DERA: variants seen among roughly 807,000 people sequenced by gnomAD.
DERA encodes the protein 2-deoxy-D-ribose 5-phosphate aldolase.
Under a neutral mutation model 41.1 loss-of-function variants are expected in DERA, and 15 were observed. That is an observed-to-expected ratio of 0.37 (90% CI 0.24 to 0.56). The LOEUF is 0.56. DERA is among the 20% of genes least tolerant of loss of function. The pLI, the probability that DERA is intolerant of heterozygous loss-of-function variation, is 0.81. For synonymous variants in DERA, 139 were observed against 137.4 expected (o/e 1.01, Z -0.08); for missense variants, 396 against 403.4 (o/e 0.98, Z 0.16).
Position 15,936,282 on chromosome 12 carries a change from G to T in DERA, c.32-20654G>T, listed in dbSNP as rs990145571. Among the ~76,000 whole-genome samples the T allele has an allele frequency of 6.6e-6, 1 of 152,114 alleles. No individual in the cohort carries two copies. The highest frequency in any genetic ancestry group is 1.5e-5 in the Non-Finnish European group (1 of 68,006). On this transcript the variant is annotated intron_variant, in intron 1 of 8. Transcript: ENST00000428559. The surrounding 1 kb of genome is among the most constrained non-coding windows in gnomAD (Gnocchi z 4.6). Reference sequence around the variant, plus strand: ...ATGTTAATTATTTTAACTTGCTTTTGTATTAGTTTCTTCCTATGGCTAAAG... The same window carrying T: ...ATGTTAATTATTTTAACTTGCTTTTTTATTAGTTTCTTCCTATGGCTAAAG...
chr12:16,014,331 G>A lies in DERA; in HGVS notation c.638-18211G>A, dbSNP rs1948966365. ...GGCCAGAGGTCTAGAAGGAAAACAT[G>A]GTTTTGTGGGCCAGGCCTAGGGCCT... On this transcript the variant is annotated intron_variant, in intron 6 of 8. Coordinates refer to ENST00000428559, the MANE Select transcript of DERA (RefSeq NM_015954.4). This position sits in a 1 kb window ranked among gnomAD's most constrained non-coding sequence, Gnocchi z 5.4. 6.6e-6 allele frequency among the ~76,000 whole-genome samples: 1 copy of A among 152,190 alleles called. No individual in the cohort carries two copies. The highest frequency in any genetic ancestry group is 1.5e-5 in the Non-Finnish European group (1 of 68,048).
Position 15,992,619 on chromosome 12 carries a change from A to C in DERA, c.637+10183A>C, listed in dbSNP as rs1032444191. 6.6e-6 allele frequency among the ~76,000 whole-genome samples: 1 copy of C among 152,164 alleles called. No individual in the cohort carries two copies. Among genetic ancestry groups the C allele is most frequent in the African/African-American group, 2.4e-5 (1 of 41,442 alleles). On this transcript the variant is annotated intron_variant, in intron 6 of 8. Transcript: ENST00000428559. The surrounding 1 kb of genome is among the most constrained non-coding windows in gnomAD (Gnocchi z 4.3). ...GAAGGGAGTATAATCAGAGAAGAAA[A>C]AAGAGAGCTATACTTTTTTCCTTGA...
Position 16,015,594 on chromosome 12 carries a change from G to C in DERA, c.638-16948G>C, listed in dbSNP as rs1206541183. On this transcript the variant is annotated intron_variant, in intron 6 of 8. Transcript: ENST00000428559. Reference sequence around the variant, plus strand: ...ACCCAGTCTTGGGCAGTTCTTTATAGAGGTATGAAAACGGACTAATACAAT... The same window carrying C: ...ACCCAGTCTTGGGCAGTTCTTTATACAGGTATGAAAACGGACTAATACAAT... Among the ~76,000 whole-genome samples, 5 of 152,292 alleles carry C rather than the reference G, an allele frequency of 3.3e-5. No homozygotes were observed. The South Asian group carries it at 8.3e-4, about 25-fold the overall frequency.
chr12:16,023,653 A>G (rs1411527977), intron 6 of DERA, among the ~76,000 whole-genome samples: 1 of 151,024 alleles, frequency 6.6e-6, no homozygotes, highest in Non-Finnish European at 1.5e-5. Context: ...AATTTTTTGT[A>G]TTTTTAGTAG....
At chr12:15,962,138 A>C (rs913246669) in intron 4 of DERA, among the ~76,000 whole-genome samples, 2 of 152,164 alleles carry the variant, frequency 1.3e-5, no homozygotes, top group Non-Finnish European at 2.9e-5. Context: ...ACTATTTTTC[A>C]AGAGTGTAGT....
rs539364152 is a variant in DERA at position 15,999,681 on chromosome 12, T to G, written c.637+17245T>G. Among the ~76,000 whole-genome samples, 1 of 152,164 alleles carries G rather than the reference T, an allele frequency of 6.6e-6. No individual in the cohort carries two copies. The highest frequency in any genetic ancestry group is 1.5e-5 in the Non-Finnish European group (1 of 68,022). Reference sequence around the variant, plus strand: ...TGAAGCTAGTAAATAGCTTGGAGTTTAAGGCCATGCTAAGGAATTGAAGTT... The same window carrying G: ...TGAAGCTAGTAAATAGCTTGGAGTTGAAGGCCATGCTAAGGAATTGAAGTT... On this transcript the variant is annotated intron_variant, in intron 6 of 8. Transcript: ENST00000428559. This position sits in a 1 kb window ranked among gnomAD's most constrained non-coding sequence, Gnocchi z 5.3.
Position 15,976,568 on chromosome 12 carries a change from T to G in DERA, c.509-5740T>G, listed in dbSNP as rs1004472685. On this transcript the variant is annotated intron_variant, in intron 5 of 8. Coordinates refer to ENST00000428559, the MANE Select transcript of DERA (RefSeq NM_015954.4). This position sits in a 1 kb window ranked among gnomAD's most constrained non-coding sequence, Gnocchi z 4.1. Reference sequence around the variant, plus strand: ...GTCTGTGGTTGAGAGCTCCCAAAGATAGAGTTCAGAATCATCTTTCTAAAT... The same window carrying G: ...GTCTGTGGTTGAGAGCTCCCAAAGAGAGAGTTCAGAATCATCTTTCTAAAT... Among the ~76,000 whole-genome samples, 1 of 152,162 alleles carries G rather than the reference T, an allele frequency of 6.6e-6. No homozygotes were observed. The highest frequency in any genetic ancestry group is 1.5e-5 in the Non-Finnish European group (1 of 68,040).
At chr12:16,030,813 C>A (rs1017767678) in intron 6 of DERA, among the ~76,000 whole-genome samples, 4 of 152,154 alleles carry the variant, frequency 2.6e-5, no homozygotes, top group African/African-American at 9.7e-5. Flanking sequence ...TTCCCAGCAG[C>A]TTTAGAGCAG....
rs547849442 is a variant in DERA, at chr12:15,936,937, T to C, written c.32-19999T>C. Among the ~76,000 whole-genome samples, 20,168 of 129,470 alleles carry C rather than the reference T, an allele frequency of 0.16. 1,965 individuals are homozygous for C. The highest frequency in any genetic ancestry group is 0.27 in the Admixed American group (3,712 of 13,638). 84.9% of individuals were successfully genotyped at this position (129,470 alleles called of 152,430 possible). ...TGTCCTGTCCTGTCCTGTCCTGTCT[T>C]GTCCTGTCCCGTCCTGTCCTGCCCT... On this transcript the variant is annotated intron_variant, in intron 1 of 8. Coordinates refer to ENST00000428559, the MANE Select transcript of DERA (RefSeq NM_015954.4). The surrounding 1 kb of genome is among the most constrained non-coding windows in gnomAD (Gnocchi z 4.6).
Position 15,936,886 on chromosome 12 carries a change from T to TTGTCTTGTCTTGTCTTGTCTTGTCC in DERA, c.32-20046_32-20045insTTGTCTTGTCTTGTCTTGTCCTGTC, listed in dbSNP as rs1351383547. Among the ~76,000 whole-genome samples, 2 of 136,874 alleles carry TTGTCTTGTCTTGTCTTGTCTTGTCC rather than the reference T, an allele frequency of 1.5e-5. No individual in the cohort carries two copies. The highest frequency in any genetic ancestry group is 6.4e-5 in the African/African-American group (2 of 31,206). The allele number at this position is 136,874 out of a possible 152,430, so 89.8% of individuals were successfully genotyped here. ...TTGTCTTGTCTTGTCTTGTCTTGTCTTGTCCTGTCCTGTCCTGTCCTGTCC... is the reference window on the plus strand; with the variant it reads ...TTGTCTTGTCTTGTCTTGTCTTGTCTTGTCTTGTCTTGTCTTGTCTTGTCCTGTCCTGTCCTGTCCTGTCCTGTCC... On this transcript the variant is annotated intron_variant, in intron 1 of 8. Transcript: ENST00000428559. The surrounding 1 kb of genome is among the most constrained non-coding windows in gnomAD (Gnocchi z 4.6).
In DERA at chr12:15,994,844, GAATGAATA is replaced by G. The variant is rs1343852853; in HGVS notation, c.637+12415_637+12422del. On this transcript the variant is annotated intron_variant, in intron 6 of 8. Coordinates refer to ENST00000428559, the MANE Select transcript of DERA (RefSeq NM_015954.4). This position sits in a 1 kb window ranked among gnomAD's most constrained non-coding sequence, Gnocchi z 4.8. ...AGATGCTTGATTATGCATATTTATT[GAATGAATA>G]AATGAAAAAAGAGTAATAAATCATG... 2.4e-4 allele frequency among the ~76,000 whole-genome samples: 37 copies of G among 152,200 alleles called. No homozygotes were observed. Among genetic ancestry groups the G allele is most frequent in the Non-Finnish European group, 4.0e-4 (27 of 68,038 alleles).
Position 15,966,512 on chromosome 12 carries a change from T to C in DERA, c.508+3565T>C, listed in dbSNP as rs1413117656. 6.6e-6 allele frequency among the ~76,000 whole-genome samples: 1 copy of C among 152,146 alleles called. No individual in the cohort carries two copies. The highest frequency in any genetic ancestry group is 1.5e-5 in the Non-Finnish European group (1 of 68,016). On this transcript the variant is annotated intron_variant, in intron 5 of 8. Transcript: ENST00000428559. The surrounding 1 kb of genome is among the most constrained non-coding windows in gnomAD (Gnocchi z 5.1). ...AAAGAGTTATATTTATTTGTTTGTC[T>C]TGAGAAGTTCAAACTAATATACTAA... is the stretch of plus-strand genomic sequence containing the variant.
At position 15,982,242 on chromosome 12, in the gene DERA, A is replaced by C. The variant is rs1360979892; in HGVS notation, c.509-66A>C. The C allele has an allele frequency of 1.4e-5, 22 of 1,531,334 alleles. No homozygotes were observed. Among genetic ancestry groups the C allele is most frequent in the Non-Finnish European group, 1.9e-5 (21 of 1,133,676 alleles). The allele number at this position is 1,531,334 out of a possible 1,614,324, so 94.9% of individuals were successfully genotyped here. On this transcript the variant is annotated intron_variant, in intron 5 of 8. Coordinates refer to ENST00000428559, the MANE Select transcript of DERA (RefSeq NM_015954.4). This position sits in a 1 kb window ranked among gnomAD's most constrained non-coding sequence, Gnocchi z 4.0. The stretch of plus-strand genomic sequence containing the variant: ...ATGTGAAATGGGTTCCACCAGCTCT[A>C]AACGGCTGCCAAGTTATGTTATCAC...
At chr12:15,971,475 C>CATCACT (rs1948659043) in intron 5 of DERA, among the ~76,000 whole-genome samples, 2 of 145,016 alleles carry the variant, frequency 1.4e-5, no homozygotes, top group South Asian at 4.5e-4. Context: ...GGGAGTTTTT[C>CATCACT]GTCACTGAAG....
rs576608614 is a variant in DERA, at chr12:16,035,127, C to T, written c.751-1105C>T. 1.3e-5 allele frequency among the ~76,000 whole-genome samples: 2 copies of T among 152,222 alleles called. No homozygotes were observed. The highest frequency in any genetic ancestry group is 4.8e-5 in the African/African-American group (2 of 41,534). On this transcript the variant is annotated intron_variant, in intron 7 of 8. Transcript: ENST00000428559. This position sits in a 1 kb window ranked among gnomAD's most constrained non-coding sequence, Gnocchi z 4.1. ...GTCTAAACTGAAACAAGTGAGAGTG[C>T]AGTGGAAAGAGTGCATGTGAGGGGG...
chr12:15,978,462 T>A (rs895398733), intron 5 of DERA, among the ~76,000 whole-genome samples: 2 of 152,226 alleles, frequency 1.3e-5, no homozygotes, highest in African/African-American at 4.8e-5. Context: ...TGCCTGGTTC[T>A]ATTCTAGCAA....
At position 15,958,323 on chromosome 12, in the gene DERA, A is replaced by T. The variant is rs954946478; in HGVS notation, c.265A>T (p.Met89Leu). Reference sequence around the variant, plus strand: ...GGAAGATCTCTTAAAAGCTTTAAATATGCATGATAAAGGTAATGTTGTTGT... The same window carrying T: ...GGAAGATCTCTTAAAAGCTTTAAATTTGCATGATAAAGGTAATGTTGTTGT... ...IREDLLKALN[M>L]HDKGITTAAV... The change falls in exon 3 of 9, where the codon ATG becomes TTG. Residue 89 changes from methionine (M) to leucine (L), a missense_variant. By Grantham distance (15) the Met-to-Leu change is conservative. Transcript: ENST00000428559. 1 of 1,603,144 alleles carries T rather than the reference A, an allele frequency of 6.2e-7. No individual in the cohort carries two copies.
At chr12:16,005,155 A>G (rs1454768718) in intron 6 of DERA, among the ~76,000 whole-genome samples, 3 of 152,302 alleles carry the variant, frequency 2.0e-5, no homozygotes, top group Non-Finnish European at 1.5e-5. Context: ...GTCAGAGTTG[A>G]AAAGGGGCCA....
chr12:15,942,331 A>AT (rs907891649), intron 1 of DERA, among the ~76,000 whole-genome samples: 10 of 151,246 alleles, frequency 6.6e-5, no homozygotes, highest in South Asian at 6.3e-4. Context: ...AACTTTGCTA[A>AT]TTTTTTTTTG....
Sources: allele counts gnomAD v4.1 joint callset (sites outside exome capture counted in the v4.1 genomes callset), GRCh38; gene constraint gnomAD v4.1.1; non-coding constraint Gnocchi (gnomAD v3.1); transcripts MANE v1.5; gene names NCBI Gene and HGNC (gene_info 2026-07-23, HGNC 2026-07-21).